Variants in MINDY3 observed in about 807,000 individuals in gnomAD.
MINDY3 encodes the protein MINDY lysine 48 deubiquitinase 3.
A neutral mutation model predicts 69.2 loss-of-function variants in MINDY3; 38 were observed. That is an observed-to-expected ratio of 0.55 (90% CI 0.42 to 0.72). MINDY3 has a LOEUF of 0.72. Ranked by LOEUF, MINDY3 falls within the 30% of genes least tolerant of loss-of-function variation. The probability of loss-of-function intolerance (pLI) is 0.00; values close to 1 mark genes in which losing one functional copy is unlikely to be tolerated. For missense variants in MINDY3, 522 were observed against 519.0 expected, an observed-to-expected ratio of 1.01 and a Z score of -0.06; for synonymous variants, 192 against 180.1, an observed-to-expected ratio of 1.07 and a Z score of -0.53.
chr10:15,839,382 T>A (rs1833306517), intron 4 of MINDY3, among the ~76,000 whole-genome samples: 1 of 151,608 alleles, frequency 6.6e-6, no homozygotes, highest in African/African-American at 2.4e-5. Context: ...AAGCCAAAAC[T>A]ATACACACCA....
chr10:15,823,828 T>C (rs1477930664), intron 8 of MINDY3, among the ~76,000 whole-genome samples: 1 of 152,174 alleles, frequency 6.6e-6, no homozygotes. Flanking sequence ...GTCTCTGTTA[T>C]CTATCATTCC....
At chr10:15,831,295 G>T (rs1478148165) in intron 8 of MINDY3, among the ~76,000 whole-genome samples, 1 of 152,140 alleles carries the variant, frequency 6.6e-6, no homozygotes, top group African/African-American at 2.4e-5. Context: ...GCAATAATCA[G>T]CCTGGCAGTG....
At chr10:15,823,115 A>G (rs911829932) in intron 8 of MINDY3, among the ~76,000 whole-genome samples, 1 of 152,150 alleles carries the variant, frequency 6.6e-6, no homozygotes, top group African/African-American at 2.4e-5. Context: ...AGCCTTAACT[A>G]CAACATCTAG....
At position 15,860,475 on chromosome 10, in the gene MINDY3, T is replaced by C. The variant is rs529706334; in HGVS notation, c.-176A>G. 2.7e-5 allele frequency: 17 copies of C among 626,614 alleles called. No individual in the cohort carries two copies. Among genetic ancestry groups the C allele is most frequent in the African/African-American group, 1.9e-5 (1 of 53,444 alleles). The allele number at this position is 626,614 out of a possible 1,614,324, so 38.8% of individuals were successfully genotyped here. A position where few individuals can be genotyped will look rare whatever the true frequency, so the allele number is the denominator to read the frequency against. On this transcript the variant is annotated 5_prime_UTR_variant, in exon 1 of 15. Transcript: ENST00000277632. ...CAGAGACCAAGCCTGTCAAGCCAGGTTGGGGCAGCAGCGAGTTTTCCGTAC... is the reference window on the plus strand; with the variant it reads ...CAGAGACCAAGCCTGTCAAGCCAGGCTGGGGCAGCAGCGAGTTTTCCGTAC...
Position 15,779,068 on chromosome 10 carries a change from A to C in MINDY3, c.1262T>G (p.Ile421Ser). The C allele has an allele frequency of 6.2e-7, 1 of 1,613,646 alleles. No homozygotes were observed. The highest frequency in any genetic ancestry group is 8.5e-7 in the Non-Finnish European group (1 of 1,179,768). The change falls in exon 15 of 15, where the codon ATT becomes AGT. Residue 421 changes from isoleucine to serine, a missense_variant. Physicochemically the swap from Ile to Ser is moderately radical, Grantham distance 142. Transcript: ENST00000277632. ...CCATTTGGTTTGCAGACAGCGTTTA[A>C]TAGGAGTGTCATCTGTCTGTAGCAT... ...DPMLQTDDTPIKRCLQTKWPY... is the reference protein window; with the variant it reads ...DPMLQTDDTPSKRCLQTKWPY...
At chr10:15,813,978 C>CAAAAAAAAAAAAAA (rs777561427) in intron 10 of MINDY3, among the ~76,000 whole-genome samples, 1 of 66,324 alleles carries the variant, frequency 1.5e-5, no homozygotes, top group African/African-American at 5.6e-5. Flanking sequence ...CACCAAAACT[C>CAAAAAAAAAAAAAA]AAAAAAAAAA....
rs1554817054 is a variant in MINDY3, at chr10:15,837,207, T to C, written c.573A>G (p.Thr191=). Residue 191 remains threonine (T), a synonymous_variant, in exon 6 of 15, where the codon ACA becomes ACG. Coordinates refer to ENST00000277632, the MANE Select transcript of MINDY3 (RefSeq NM_024948.4). ...VLLFLYSVLL[T]KGIENIKNEI... Reference sequence around the variant, plus strand: ...AAAATCATCTTCTTGAACACACCTTTGTCAGTAATACAGAATACAGAAAAA... The same window carrying C: ...AAAATCATCTTCTTGAACACACCTTCGTCAGTAATACAGAATACAGAAAAA... 1 of 1,564,582 alleles carries C rather than the reference T, an allele frequency of 6.4e-7. No individual in the cohort carries two copies. Among genetic ancestry groups the C allele is most frequent in the Non-Finnish European group, 8.7e-7 (1 of 1,143,130 alleles).
At position 15,841,219 on chromosome 10, in the gene MINDY3, A is replaced by AT. The variant is rs960270512; in HGVS notation, c.409+206dup. ...ACATTTTTAAAAGTTTAAGAGATGC[A>AT]TTTTTTTTTGCAAAAATGTAGTATC... On this transcript the variant is annotated intron_variant, in intron 4 of 14. Coordinates refer to ENST00000277632, the MANE Select transcript of MINDY3 (RefSeq NM_024948.4). 1.7e-3 allele frequency among the ~76,000 whole-genome samples: 253 copies of AT among 149,740 alleles called. 2 individuals carry two copies. The highest frequency in any genetic ancestry group is 3.9e-3 in the Admixed American group (59 of 14,994).
intron 10 of MINDY3, among the ~76,000 whole-genome samples, chr10:15,813,399 T>C (rs1839143868): frequency 6.6e-6 from 1 of 152,206 alleles, no homozygotes; most frequent in Non-Finnish European, 1.5e-5. Context: ...ATCTGATACC[T>C]CAGGTTCTCA....
chr10:15,811,090 A>C (rs1159765377), intron 10 of MINDY3, among the ~76,000 whole-genome samples: 1 of 152,204 alleles, frequency 6.6e-6, no homozygotes. Flanking sequence ...AATTATTTTG[A>C]TAATGCAAAT....
intron 7 of MINDY3, 33 bp downstream of exon 7, chr10:15,834,510 C>T: frequency 6.7e-7 from 1 of 1,482,904 alleles, no homozygotes; most frequent in Non-Finnish European, 9.4e-7. Context: ...AACTGGAGTT[C>T]ACATGAGGAG....
intron 8 of MINDY3, among the ~76,000 whole-genome samples, chr10:15,822,756 T>G (rs1006092328): frequency 6.6e-6 from 1 of 151,956 alleles, no homozygotes; most frequent in Non-Finnish European, 1.5e-5. Context: ...AGATAAAGAT[T>G]TGGGAATCAT....
At chr10:15,848,018 G>C in intron 1 of MINDY3, 75 bp from the exon 2 acceptor site, 3 of 1,218,648 alleles carry the variant, frequency 2.5e-6, no homozygotes, top group Non-Finnish European at 3.6e-6. Context: ...CATGTACTTT[G>C]CTTTGAGAAT....
chr10:15,848,666 A>T (rs1588650423), intron 1 of MINDY3, among the ~76,000 whole-genome samples: 1 of 137,050 alleles, frequency 7.3e-6, no homozygotes, highest in East Asian at 2.0e-4. Context: ...AAAAAAAGAA[A>T]GAAAAATTAA....
At chr10:15,834,997 T>G (rs1484414837) in intron 6 of MINDY3, among the ~76,000 whole-genome samples, 1 of 152,110 alleles carries the variant, frequency 6.6e-6, no homozygotes, top group Non-Finnish European at 1.5e-5. Context: ...TGTAAAAACT[T>G]ATTGCAGTAA....
chr10:15,859,158 T>C (rs1418262922), intron 1 of MINDY3, among the ~76,000 whole-genome samples: 2 of 152,200 alleles, frequency 1.3e-5, no homozygotes, highest in Non-Finnish European at 2.9e-5. Flanking sequence ...AATTGTAATT[T>C]TACCAGCTCT....
chr10:15,782,015 T>A, intron 14 of MINDY3, 140 bp downstream of exon 14: 1 of 695,006 alleles, frequency 1.4e-6, no homozygotes, highest in Non-Finnish European at 2.5e-6. Context: ...AGATGGCTGA[T>A]TCTAAAATGT....
chr10:15,831,256 A>G (rs142331643), intron 8 of MINDY3, among the ~76,000 whole-genome samples: 4 of 152,332 alleles, frequency 2.6e-5, no homozygotes, highest in African/African-American at 7.2e-5. Context: ...CGCCCAACCA[A>G]TGAAACTTGT....
rs1297545567 is a variant in MINDY3, at chr10:15,834,580, T to C, written c.613A>G (p.Ser205Gly). The C allele has an allele frequency of 6.2e-7, 1 of 1,612,116 alleles. No homozygotes were observed. The highest frequency in any genetic ancestry group is 1.1e-5 in the South Asian group (1 of 90,970). ...TATACAGGATCTATCAAGGGTTCAC[T>C]TGCATCTTCAATTTCGTTTTTTATG... ...ENIKNEIEDA[S>G]EPLIDPVYGH... The change falls in exon 7 of 15, where the codon AGT becomes GGT. Residue 205 changes from serine (S) to glycine (G), a missense_variant. By Grantham distance (56) the Ser-to-Gly change is moderately conservative (BLOSUM62 0). Coordinates refer to ENST00000277632, the MANE Select transcript of MINDY3 (RefSeq NM_024948.4).
Sources: gnomAD v4.1 joint callset for allele counts (sites outside exome capture counted in the v4.1 genomes callset) on GRCh38, gnomAD v4.1.1 for gene constraint, MANE v1.5 for transcripts, NCBI Gene and HGNC (gene_info 2026-07-23, HGNC 2026-07-21) for gene names.